SYTL3: variants seen among roughly 807,000 people sequenced by gnomAD.
SYTL3 encodes the protein synaptotagmin like 3.
SYTL3 carries 88 observed loss-of-function variants against 82.1 expected under a neutral mutation model. That is an observed-to-expected ratio of 1.07 (90% CI 0.90 to 1.28). The LOEUF (loss-of-function observed/expected upper bound fraction) is 1.28, where lower values mean the gene tolerates loss of function less well. SYTL3 is among the 50% of genes most tolerant of loss of function. The pLI, the probability that SYTL3 is intolerant of heterozygous loss-of-function variation, is 0.00. For synonymous variants in SYTL3, 311 were observed against 289.4 expected, an observed-to-expected ratio of 1.07 and a Z score of -0.76; for missense variants, 831 against 757.6, an observed-to-expected ratio of 1.10 and a Z score of -1.14.
intron 5 of SYTL3, among the ~76,000 whole-genome samples, chr6:158,667,204 C>A (rs1790180760): frequency 6.6e-6 from 1 of 152,190 alleles, no homozygotes; most frequent in African/African-American, 2.4e-5. Flanking sequence ...AGGACAAGGT[C>A]TGAGGCAATC....
At chr6:158,731,080 C>A (rs776824667) in intron 11 of SYTL3, among the ~76,000 whole-genome samples, 1 of 151,882 alleles carries the variant, frequency 6.6e-6, no homozygotes, top group Non-Finnish European at 1.5e-5. Flanking sequence ...GTCAGGAGAT[C>A]GAGACCATCC....
At chr6:158,655,994 G>A (rs917787135) in intron 2 of SYTL3, among the ~76,000 whole-genome samples, 1 of 152,220 alleles carries the variant, frequency 6.6e-6, no homozygotes, top group Non-Finnish European at 1.5e-5. Context: ...CAGTATGGGA[G>A]TGGCGAGCAT....
intron 10 of SYTL3, among the ~76,000 whole-genome samples, chr6:158,718,854 T>C (rs1449502418): frequency 6.6e-6 from 1 of 152,214 alleles, no homozygotes; most frequent in Non-Finnish European, 1.5e-5. Flanking sequence ...CAGCTGTTGC[T>C]TGCAGTGTTG....
rs940568260 is a variant in SYTL3, at chr6:158,726,064, A to G, written c.855+427A>G. ...TCATGTGTTAAAATCTTACAGGATC[A>G]ATGTAGTGAAACATTAGTTCTTTCC... is the stretch of plus-strand genomic sequence containing the variant. On this transcript the variant is annotated intron_variant, in intron 11 of 17. Transcript: ENST00000611299. 3.4e-5 allele frequency: 18 copies of G among 522,354 alleles called. No individual in the cohort carries two copies. In the Admixed American group the frequency reaches 4.4e-4, roughly 13 times the overall value. The allele number at this position is 522,354 out of a possible 1,614,324, so 32.4% of individuals were successfully genotyped here.
chr6:158,712,930 T>C (rs992361655), intron 8 of SYTL3, among the ~76,000 whole-genome samples: 8 of 151,988 alleles, frequency 5.3e-5, no homozygotes, highest in Non-Finnish European at 1.2e-4. Flanking sequence ...AGCTAATTTT[T>C]TTTTGTATTT....
At chr6:158,716,288 G>A (rs996687938) in intron 9 of SYTL3, among the ~76,000 whole-genome samples, 2 of 152,094 alleles carry the variant, frequency 1.3e-5, no homozygotes, top group Non-Finnish European at 2.9e-5. Context: ...CTATTTCTTA[G>A]AGCCCAAATT....
upstream of SYTL3, among the ~76,000 whole-genome samples, chr6:158,647,131 G>A (rs953960926): frequency 3.9e-5 from 6 of 152,220 alleles, no homozygotes. Context: ...TTTCCTGAAT[G>A]TCTGCTAGGA....
At position 158,713,755 on chromosome 6, in the gene SYTL3, G is replaced by A. The variant is rs774704027; in HGVS notation, c.517-45G>A. 7.1e-6 allele frequency: 10 copies of A among 1,416,010 alleles called. No individual in the cohort carries two copies. The South Asian group carries it at 1.1e-4, about 16-fold the overall frequency. 87.7% of individuals were successfully genotyped at this position (1,416,010 alleles called of 1,614,324 possible). ...CTGGACACTGCTGAGGCAAACACAAGTCATCAAGCATAATTCTCATTCTCT... is the reference window on the plus strand; with the variant it reads ...CTGGACACTGCTGAGGCAAACACAAATCATCAAGCATAATTCTCATTCTCT... On this transcript the variant is annotated intron_variant, in intron 8 of 17. Transcript: ENST00000611299.
chr6:158,725,416 C>A, intron 10 of SYTL3, 87 bp from the exon 11 acceptor site: 1 of 1,471,312 alleles, frequency 6.8e-7, no homozygotes, highest in Non-Finnish European at 9.3e-7. Flanking sequence ...AACATCAAGT[C>A]ATAGATGCTT....
chr6:158,708,698 T>C (rs1287293263), intron 8 of SYTL3, among the ~76,000 whole-genome samples: 1 of 152,156 alleles, frequency 6.6e-6, no homozygotes, highest in East Asian at 1.9e-4. Flanking sequence ...GGCGTGTGTG[T>C]AGAGTCTCTG....
At chr6:158,702,549 A>G (rs1032707729) in intron 6 of SYTL3, among the ~76,000 whole-genome samples, 1 of 150,904 alleles carries the variant, frequency 6.6e-6, no homozygotes, top group Non-Finnish European at 1.5e-5. Context: ...CTCAAAAACA[A>G]GAGGGGGGGA....
intron 11 of SYTL3, among the ~76,000 whole-genome samples, chr6:158,733,323 CTTTT>C (rs954276081): frequency 3.3e-5 from 5 of 152,000 alleles, no homozygotes; most frequent in African/African-American, 7.3e-5. Flanking sequence ...ATTGTCTATA[CTTTT>C]TTTATTTTTT....
intron 11 of SYTL3, among the ~76,000 whole-genome samples, chr6:158,736,316 A>G (rs1786157467): frequency 6.6e-6 from 1 of 152,026 alleles, no homozygotes; most frequent in South Asian, 2.1e-4. Context: ...ACGCCACTGC[A>G]CTCCAGCCTG....
In SYTL3 at chr6:158,764,480, C is replaced by T. The variant is rs1004028848; in HGVS notation, c.1724-15C>T. 6.2e-7 allele frequency: 1 copy of T among 1,600,074 alleles called. No homozygotes were observed. The highest frequency in any genetic ancestry group is 8.6e-7 in the Non-Finnish European group (1 of 1,167,834). On this transcript the variant is annotated splice_polypyrimidine_tract_variant and intron_variant, in intron 17 of 17. Coordinates refer to ENST00000611299, the MANE Select transcript of SYTL3 (RefSeq NM_001242394.2). ...CCCTCCCCGACCATGGCTAAATTGT[C>T]TTCCTCTCTTACAGAGGGAGACACA...
Position 158,662,834 on chromosome 6 carries a change from A to G in SYTL3, c.-435A>G, listed in dbSNP as rs1789532671. On this transcript the variant is annotated 5_prime_UTR_variant, in exon 4 of 18. The change abolishes the stop of an existing upstream ORF in the 5' untranslated region. Transcript: ENST00000611299. ...GAAGGTTAGCTTCTATGAGTCACTGATACTCTTTTTATTGCTATTTCTAAA... is the reference window on the plus strand; with the variant it reads ...GAAGGTTAGCTTCTATGAGTCACTGGTACTCTTTTTATTGCTATTTCTAAA... 6.5e-6 allele frequency: 1 copy of G among 154,112 alleles called. No individual in the cohort carries two copies. Among genetic ancestry groups the G allele is most frequent in the African/African-American group, 2.4e-5 (1 of 41,478 alleles). 9.5% of individuals were successfully genotyped at this position (154,112 alleles called of 1,614,324 possible).
At chr6:158,702,872 G>T (rs1273838271) in intron 6 of SYTL3, among the ~76,000 whole-genome samples, 1 of 151,792 alleles carries the variant, frequency 6.6e-6, no homozygotes, top group Non-Finnish European at 1.5e-5. Context: ...ATAAAATTGG[G>T]GGCCTGGCAC....
chr6:158,651,319 G>A (rs149647790), intron 1 of SYTL3, among the ~76,000 whole-genome samples: 141 of 152,266 alleles, frequency 9.3e-4, no homozygotes, highest in African/African-American at 3.1e-3. Flanking sequence ...TCGGCCGGGT[G>A]TGATGGCTCA....
In SYTL3 at chr6:158,739,145, G is replaced by T. The variant is rs114486356; in HGVS notation, c.856-6335G>T. Among the ~76,000 whole-genome samples, 1,394 of 152,286 alleles carry T rather than the reference G, an allele frequency of 9.2e-3. 13 individuals carry two copies. Among genetic ancestry groups the T allele is most frequent in the African/African-American group, 0.031 (1,287 of 41,544 alleles). On this transcript the variant is annotated intron_variant, in intron 11 of 17. Transcript: ENST00000611299. ...AGATGTTTTTAAAAATCCAGTCATT[G>T]ACTTTTTTTGTAGTATGTAACCTGT...
At chr6:158,668,943 G>C (rs1777051352) in intron 5 of SYTL3, among the ~76,000 whole-genome samples, 1 of 152,176 alleles carries the variant, frequency 6.6e-6, no homozygotes, top group South Asian at 2.1e-4. Flanking sequence ...AAGAACCAAG[G>C]AAAGTTGTTT....
Sources: allele counts gnomAD v4.1 joint callset (sites outside exome capture counted in the v4.1 genomes callset), GRCh38; gene constraint gnomAD v4.1.1; transcripts MANE v1.5; gene names NCBI Gene and HGNC (gene_info 2026-07-23, HGNC 2026-07-21).